The following TOGARAM1 variants were observed in gnomAD, a reference collection of about 807,000 sequenced individuals.
TOGARAM1 encodes TOG array regulator of axonemal microtubules 1.
In TOGARAM1, 100 loss-of-function variants were observed where a neutral mutation model predicts 166.6. That is an observed-to-expected ratio of 0.60 (90% CI 0.51 to 0.71). TOGARAM1 has a LOEUF of 0.71. Among genes scored for constraint, TOGARAM1 ranks in the 30% least tolerant of loss-of-function variants. The pLI is 0.00. For missense variants in TOGARAM1, 2,029 were observed against 2,102.7 expected (o/e 0.96, Z 0.69); for synonymous variants, 758 against 763.8 (o/e 0.99, Z 0.13).
At chr14:44,967,366 CCCACAAAATTGCTAGA>C (rs780886257) in intron 1 of TOGARAM1, among the ~76,000 whole-genome samples, 22 of 152,104 alleles carry the variant, frequency 1.4e-4, no homozygotes, top group Non-Finnish European at 3.1e-4. Flanking sequence ...CCCCCCTCCC[CCCACAAAATTGCTAGA>C]CCAGCAACAG....
rs1345840024 is a variant in TOGARAM1, at chr14:45,049,068, A to AC, written c.4313+2365_4313+2366insC. On this transcript the variant is annotated intron_variant, in intron 14 of 19. Transcript: ENST00000361462. ...AGAGACAAACTTCTCAAAAAAAAAA[A>AC]AAAAAAAAAAAAAAAAAAGACTGAG... 1.8e-3 allele frequency among the ~76,000 whole-genome samples: 273 copies of AC among 149,790 alleles called. 2 individuals are homozygous for AC. Among genetic ancestry groups the AC allele is most frequent in the African/African-American group, 5.9e-3 (243 of 40,884 alleles).
chr14:44,989,159 G>A (rs1219583634), intron 1 of TOGARAM1, among the ~76,000 whole-genome samples: 1 of 151,912 alleles, frequency 6.6e-6, no homozygotes, highest in African/African-American at 2.4e-5. Flanking sequence ...ACTTTTTTTC[G>A]ATGTCCATAT....
intron 18 of TOGARAM1, 97 bp from the exon 19 acceptor site, chr14:45,071,615 A>T: frequency 1.3e-6 from 1 of 748,680 alleles, no homozygotes; most frequent in Non-Finnish European, 2.2e-6. Flanking sequence ...TTTGCATCCT[A>T]GAAGTGATTT....
At chr14:44,986,526 G>A (rs1189462259) in intron 1 of TOGARAM1, among the ~76,000 whole-genome samples, 1 of 152,032 alleles carries the variant, frequency 6.6e-6, no homozygotes, top group Non-Finnish European at 1.5e-5. Context: ...TGAACTGCTG[G>A]CCCCAAGTGA....
chr14:44,986,837 T>A (rs2138776904), intron 1 of TOGARAM1, among the ~76,000 whole-genome samples: 1 of 150,544 alleles, frequency 6.6e-6, no homozygotes, highest in South Asian at 2.1e-4. Context: ...TAACCCCATC[T>A]CTACTAAAAA....
At position 45,069,386 on chromosome 14, in the gene TOGARAM1, T is replaced by TA. The variant is rs529691156; in HGVS notation, c.4969+752dup. 1.2e-4 allele frequency among the ~76,000 whole-genome samples: 18 copies of TA among 149,352 alleles called. No individual in the cohort carries two copies. In the East Asian group the frequency reaches 2.5e-3, roughly 21 times the overall value. ...TCTGTATCAAAAAATTTTAAAAAAT[T>TA]AAAAAAAAATAGATAAAGGGACAAG... On this transcript the variant is annotated intron_variant, in intron 18 of 19. Coordinates refer to ENST00000361462, the MANE Select transcript of TOGARAM1 (RefSeq NM_001308120.2).
chr14:45,008,996 C>T lies in TOGARAM1; in HGVS notation c.2988C>T (p.Ser996=), dbSNP rs773634165. The T allele has an allele frequency of 6.2e-7, 1 of 1,614,058 alleles. No homozygotes were observed. The highest frequency in any genetic ancestry group is 2.2e-5 in the East Asian group (1 of 44,870). The stretch of plus-strand genomic sequence containing the variant: ...GTGGCAGTACTTCAGATCTTGAAAG[C>T]CCTGATTCTGCAATGAAGCTCGACT... ...KLSGSTSDLE[S]PDSAMKLDLT... The change falls in exon 6 of 20, where the codon AGC becomes AGT. Residue 996 remains serine, a synonymous_variant. Coordinates refer to ENST00000361462, the MANE Select transcript of TOGARAM1 (RefSeq NM_001308120.2).
At chr14:44,987,735 C>A (rs1352948904) in intron 1 of TOGARAM1, among the ~76,000 whole-genome samples, 1 of 149,548 alleles carries the variant, frequency 6.7e-6, no homozygotes, top group African/African-American at 2.5e-5. Context: ...TACCATTTGA[C>A]CCAGCCATCC....
chr14:44,977,126 C>T (rs1317606254), intron 1 of TOGARAM1, among the ~76,000 whole-genome samples: 4 of 151,774 alleles, frequency 2.6e-5, no homozygotes, highest in African/African-American at 9.7e-5. Context: ...CTATCAAATG[C>T]ATCTAACTCT....
At chr14:45,036,315 T>C (rs1295980983) in intron 11 of TOGARAM1, among the ~76,000 whole-genome samples, 1 of 151,920 alleles carries the variant, frequency 6.6e-6, no homozygotes, top group Admixed American at 6.6e-5. Context: ...AGCAAGATGA[T>C]AGACTTAAAC....
Position 45,027,354 on chromosome 14 carries a change from T to G in TOGARAM1, c.3384T>G (p.Ser1128=), listed in dbSNP as rs748736990. The change falls in exon 9 of 20, where the codon TCT becomes TCG. Residue 1128 remains serine, a synonymous_variant. Transcript: ENST00000361462. ...CAACCTGCAGCCAATCAGTGATATC[T>G]TCTGTGGAAAATGGGGATACATTTT... The part of the protein sequence containing the change: ...APATCSQSVI[S]SVENGDTFSI... The G allele has an allele frequency of 1.9e-6, 3 of 1,613,586 alleles. No homozygotes were observed. The highest frequency in any genetic ancestry group is 1.3e-5 in the African/African-American group (1 of 74,890).
At chr14:45,062,471 C>T (rs957204068) in intron 16 of TOGARAM1, among the ~76,000 whole-genome samples, 6 of 152,198 alleles carry the variant, frequency 3.9e-5, no homozygotes, top group African/African-American at 1.4e-4. Flanking sequence ...CTTTAAATTA[C>T]AGTGTTACGG....
At chr14:45,048,808 C>T (rs189273989) in intron 14 of TOGARAM1, among the ~76,000 whole-genome samples, 2 of 151,788 alleles carry the variant, frequency 1.3e-5, no homozygotes, top group African/African-American at 4.8e-5. Flanking sequence ...GAAACCCCGT[C>T]TCTATTAAAA....
intron 1 of TOGARAM1, chr14:44,995,446 C>T (rs1887365093): frequency 2.1e-6 from 1 of 468,870 alleles, no homozygotes; most frequent in African/African-American, 2.0e-5. Context: ...TCCGTCAGAT[C>T]ATTGTTTTTG....
chr14:45,009,477 C>T (rs1055567264), intron 6 of TOGARAM1, among the ~76,000 whole-genome samples: 3 of 152,100 alleles, frequency 2.0e-5, no homozygotes, highest in African/African-American at 7.2e-5. Context: ...ACTCCTTTGC[C>T]AGTTGATCTA....
chr14:45,034,562 A>G (rs977468505), intron 11 of TOGARAM1, among the ~76,000 whole-genome samples: 2 of 152,188 alleles, frequency 1.3e-5, no homozygotes, highest in African/African-American at 4.8e-5. Flanking sequence ...AGCATATACA[A>G]TGTTAATAAT....
At chr14:45,055,900 T>C (rs1385295664) in intron 16 of TOGARAM1, among the ~76,000 whole-genome samples, 1 of 151,444 alleles carries the variant, frequency 6.6e-6, no homozygotes, top group Non-Finnish European at 1.5e-5. Context: ...TTAGGATTGT[T>C]TTTTCTAAGT....
At chr14:44,995,233 A>G (rs996334230) in intron 1 of TOGARAM1, among the ~76,000 whole-genome samples, 2 of 152,216 alleles carry the variant, frequency 1.3e-5, no homozygotes, top group African/African-American at 4.8e-5. Context: ...TAACTAAGAG[A>G]CCTAGTGTAA....
At chr14:44,992,374 T>C (rs1887189619) in intron 1 of TOGARAM1, among the ~76,000 whole-genome samples, 1 of 151,848 alleles carries the variant, frequency 6.6e-6, no homozygotes, top group Non-Finnish European at 1.5e-5. Flanking sequence ...CAGAAAGAAC[T>C]GGTAAAAGGT....
Sources: gnomAD v4.1 joint callset for allele counts (sites outside exome capture counted in the v4.1 genomes callset) on GRCh38, gnomAD v4.1.1 for gene constraint, MANE v1.5 for transcripts, NCBI Gene and HGNC (gene_info 2026-07-23, HGNC 2026-07-21) for gene names.